Variants in GNL3L observed in about 807,000 individuals in gnomAD.
GNL3L encodes guanine nucleotide-binding protein-like 3-like protein.
In GNL3L, 4 loss-of-function variants were observed where a neutral mutation model predicts 42.9. The ratio of observed to expected loss-of-function variants is 0.09; its 90% CI spans 0.05 to 0.21. GNL3L has a LOEUF of 0.21. GNL3L is among the 10% of genes least tolerant of loss of function. The pLI is 1.00. For missense variants in GNL3L, 412 were observed against 481.7 expected (o/e 0.86, Z 1.36); for synonymous variants, 159 against 176.3 (o/e 0.90, Z 0.78).
the GNL3L span, among the ~76,000 whole-genome samples, chrX:54,628,782 A>G: frequency 4.5e-4 from 48 of 107,661 alleles, 1 homozygote; most frequent in South Asian, 1.6e-3. Context: ...TGTCAGATGC[A>G]TAGTTTGCAG....
intron 12 of GNL3L, 50 bp downstream of exon 12, chrX:54,552,024 C>T (rs1370117572): frequency 2.7e-5 from 31 of 1,160,873 alleles, no homozygotes; most frequent in Non-Finnish European, 3.6e-5. Flanking sequence ...AGCCTGGCTC[C>T]CCAAAGGGGC....
chrX:54,559,415 G>A (rs1172960406), intron 15 of GNL3L, among the ~76,000 whole-genome samples: 6 of 111,678 alleles, frequency 5.4e-5, no homozygotes, highest in Non-Finnish European at 9.4e-5. Flanking sequence ...CCGCCCCCTC[G>A]TCAGCCAGTT....
rs955117993 is a variant in GNL3L, at chrX:54,567,133, T to A, written c.*6531T>A. The stretch of plus-strand genomic sequence containing the variant: ...GTACAAGGTATGAATCTATGCTTTT[T>A]AAAAAAATATGGTTACCCAATTTTT... On this transcript the variant is annotated 3_prime_UTR_variant, in exon 16 of 16. Coordinates refer to ENST00000360845, the MANE Select transcript of GNL3L (RefSeq NM_001184819.2). 8.9e-6 allele frequency among the ~76,000 whole-genome samples: 1 copy of A among 111,854 alleles called. No homozygotes were observed. Among genetic ancestry groups the A allele is most frequent in the African/African-American group, 3.2e-5 (1 of 30,801 alleles).
At chrX:54,607,030 T>C (rs1457886782) in intron 16 of GNL3L, among the ~76,000 whole-genome samples, 4 of 68,207 alleles carry the variant, frequency 5.9e-5, no homozygotes, top group Admixed American at 3.0e-4. Flanking sequence ...CTTTCTTTCT[T>C]TCTTTCTTTC....
the GNL3L span, among the ~76,000 whole-genome samples, chrX:54,636,959 C>T: frequency 8.9e-6 from 1 of 112,190 alleles, no homozygotes; most frequent in African/African-American, 3.2e-5. Context: ...CACTGCTTTC[C>T]ACAGTGGCTG....
the GNL3L span, among the ~76,000 whole-genome samples, chrX:54,627,976 G>A: frequency 4.5e-5 from 5 of 110,782 alleles, no homozygotes; most frequent in East Asian, 2.8e-4. Flanking sequence ...TGTACCCAAT[G>A]TGTAGTCTTT....
At position 54,548,348 on chromosome X, in the gene GNL3L, C is replaced by T; in HGVS notation, c.750C>T (p.Arg250=). 8.3e-7 allele frequency: 1 copy of T among 1,206,287 alleles called. No homozygotes were observed. The highest frequency in any genetic ancestry group is 1.1e-6 in the Non-Finnish European group (1 of 891,102). ...LGNYCRLGEV[R]THIRVGVVGL... is the part of the protein sequence containing the mutation. ...ACTATTGCCGCCTTGGTGAAGTGCG[C>T]ACCCACATTCGTGTGGGTGTTGTGG... Residue 250 remains arginine, a synonymous_variant, in exon 9 of 16, where the codon CGC becomes CGT. Transcript: ENST00000360845.
intron 16 of GNL3L, among the ~76,000 whole-genome samples, chrX:54,581,947 G>C (rs1362582238): frequency 1.8e-5 from 2 of 111,954 alleles, no homozygotes; most frequent in African/African-American, 3.2e-5. Context: ...GAATTTCTGA[G>C]TTATGTAGGA....
chrX:54,579,488 A>G (rs772793449), intron 16 of GNL3L, among the ~76,000 whole-genome samples: 50 of 112,146 alleles, frequency 4.5e-4, no homozygotes, highest in African/African-American at 1.5e-3. Context: ...GGCTCAAGCC[A>G]TCCTCCTCCC....
rs1557197275 is a variant in GNL3L at position 54,564,402 on chromosome X, C to CTCT, written c.*3801_*3802insCTT. Among the ~76,000 whole-genome samples, 4 of 80,810 alleles carry CTCT rather than the reference C, an allele frequency of 4.9e-5. No homozygotes were observed. The Admixed American group carries it at 6.0e-4, about 12-fold the overall frequency. The allele number at this position is 80,810 out of a possible 115,157, so 70.2% of individuals were successfully genotyped here. A position where few individuals can be genotyped will look rare whatever the true frequency, so the allele number is the denominator to read the frequency against. ...AGTCACTGGTTTTTTTCTTCGTTCT[C>CTCT]TTTTTTTTTTTTTTTTTTTTGAGAC... On this transcript the variant is annotated 3_prime_UTR_variant, in exon 16 of 16. Coordinates refer to ENST00000360845, the MANE Select transcript of GNL3L (RefSeq NM_001184819.2).
chrX:54,638,540 G>A, the GNL3L span, among the ~76,000 whole-genome samples: 1 of 110,730 alleles, frequency 9.0e-6, no homozygotes, highest in African/African-American at 3.3e-5. Flanking sequence ...CGCAATCTCC[G>A]GCCCACTGCA....
At chrX:54,584,956 A>C in intron 16 of GNL3L, among the ~76,000 whole-genome samples, 1 of 111,322 alleles carries the variant, frequency 9.0e-6, no homozygotes, top group Non-Finnish European at 1.9e-5. Flanking sequence ...CAGCTAGTTT[A>C]TGTATTTTTA....
In GNL3L at chrX:54,615,171, A is replaced by G. The variant is rs181230159; in HGVS notation, c.*46-5674A>G. On this transcript the variant is annotated intron_variant, in intron 16 of 16. Coordinates refer to the GNL3L transcript ENST00000674498. Reference sequence around the variant, plus strand: ...CTCATATTAAATAGAATCATTAAATATGTGACCTTTTGTGTTTAGCTTCTT... The same window carrying G: ...CTCATATTAAATAGAATCATTAAATGTGTGACCTTTTGTGTTTAGCTTCTT... Among the ~76,000 whole-genome samples the G allele has an allele frequency of 1.8e-4, 20 of 112,586 alleles. No homozygotes were observed. In the East Asian group the frequency reaches 5.6e-3, roughly 32 times the overall value.
chrX:54,536,087 C>G lies in GNL3L; in HGVS notation c.20-2953C>G, dbSNP rs1924414602. On this transcript the variant is annotated intron_variant, in intron 2 of 15. Transcript: ENST00000360845. ...GGATTACAGGTGCGTGCCAACACGC[C>G]CGGCTAATTTTTGTATTTTTAGTAG... is the stretch of plus-strand genomic sequence containing the variant. 3.6e-5 allele frequency among the ~76,000 whole-genome samples: 4 copies of G among 111,036 alleles called. No homozygotes were observed. The South Asian group carries it at 1.5e-3, about 42-fold the overall frequency.
chrX:54,556,086 C>T (rs1397472142), intron 14 of GNL3L, among the ~76,000 whole-genome samples: 1 of 110,835 alleles, frequency 9.0e-6, no homozygotes, highest in Non-Finnish European at 1.9e-5. Flanking sequence ...ATCCAAGGAC[C>T]CTAACCTGTA....
At chrX:54,597,811 G>A (rs1185128377) in intron 16 of GNL3L, among the ~76,000 whole-genome samples, 1 of 110,973 alleles carries the variant, frequency 9.0e-6, no homozygotes, top group African/African-American at 3.3e-5. Context: ...GTCTGGTTTT[G>A]CTTTCTGCTA....
downstream of GNL3L, among the ~76,000 whole-genome samples, chrX:54,623,152 C>T (rs1369900286): frequency 8.9e-6 from 1 of 112,180 alleles, no homozygotes; most frequent in East Asian, 2.8e-4. Flanking sequence ...AAGTATGAGT[C>T]CTCCAATGTT....
intron 8 of GNL3L, among the ~76,000 whole-genome samples, chrX:54,544,986 G>A (rs1473545261): frequency 3.6e-5 from 4 of 111,544 alleles, no homozygotes; most frequent in Non-Finnish European, 5.7e-5. Flanking sequence ...CATGATCTTG[G>A]CTTACTGCAA....
chrX:54,606,830 G>A (rs750462777), intron 16 of GNL3L, among the ~76,000 whole-genome samples: 1 of 109,153 alleles, frequency 9.2e-6, no homozygotes, highest in East Asian at 2.9e-4. Context: ...TTGTAGAGAT[G>A]GGGTTTTGCT....
Sources: gnomAD v4.1 joint callset for allele counts (sites outside exome capture counted in the v4.1 genomes callset) on GRCh38, gnomAD v4.1.1 for gene constraint, MANE v1.5 for transcripts, NCBI Gene and HGNC (gene_info 2026-07-23, HGNC 2026-07-21) for gene names.